MTUS2: variants seen among roughly 807,000 people sequenced by gnomAD.
MTUS2 encodes the protein microtubule associated scaffold protein 2, also known as microtubule-associated tumor suppressor candidate 2.
Under a neutral mutation model 114.1 loss-of-function variants are expected in MTUS2, and 40 were observed. The observed-to-expected ratio is 0.35, with a 90% CI of 0.27 to 0.46. The LOEUF (loss-of-function observed/expected upper bound fraction) is 0.46. Ranked by LOEUF, MTUS2 falls within the 20% of genes least tolerant of loss-of-function variation. The pLI is 1.00. For synonymous variants in MTUS2, 688 were observed against 672.0 expected, an observed-to-expected ratio of 1.02 and a Z score of -0.37; for missense variants, 1,679 against 1,705.4, an observed-to-expected ratio of 0.98 and a Z score of 0.27.
rs905290904 is a variant in MTUS2, at chr13:29,032,183, G to A, written c.2206-1702G>A. On this transcript the variant is annotated intron_variant, in intron 3 of 15. Coordinates refer to ENST00000612955, the MANE Select transcript of MTUS2 (RefSeq NM_001033602.4). ...AATGCACAGACTAGACATCAAAGGC[G>A]CAGTTTTCCCCCTTTTAAAGAATTT... 6.6e-5 allele frequency among the ~76,000 whole-genome samples: 10 copies of A among 152,064 alleles called. No individual in the cohort carries two copies. The East Asian group carries it at 1.4e-3, about 21-fold the overall frequency.
intron 5 of MTUS2, among the ~76,000 whole-genome samples, chr13:29,135,210 A>G (rs1431145286): frequency 6.6e-6 from 1 of 152,204 alleles, no homozygotes; most frequent in East Asian, 1.9e-4. Flanking sequence ...ATCACGTTGC[A>G]AAAACAGTGG....
At chr13:29,324,847 A>T (rs1476400797) in intron 7 of MTUS2, 136 bp downstream of exon 7, 1 of 657,636 alleles carries the variant, frequency 1.5e-6, no homozygotes, top group Non-Finnish European at 2.6e-6. Context: ...ACATATGCTG[A>T]TGTTTTCTGA....
intron 5 of MTUS2, among the ~76,000 whole-genome samples, chr13:29,166,934 A>G (rs529094338): frequency 9.8e-5 from 15 of 152,328 alleles, no homozygotes; most frequent in Non-Finnish European, 1.9e-4. Context: ...AGTTTTTCCA[A>G]TAATGTAGTA....
chr13:29,212,112 C>T (rs1316754799), intron 5 of MTUS2, among the ~76,000 whole-genome samples: 1 of 152,086 alleles, frequency 6.6e-6, no homozygotes, highest in Non-Finnish European at 1.5e-5. Context: ...GTTGTAGTTA[C>T]AGTCCACAAA....
chr13:29,400,062 A>G (rs187477063), intron 8 of MTUS2, among the ~76,000 whole-genome samples: 2 of 152,246 alleles, frequency 1.3e-5, no homozygotes, highest in Admixed American at 1.3e-4. Flanking sequence ...ACCAACAACA[A>G]TGGAAGGGAG....
intron 8 of MTUS2, among the ~76,000 whole-genome samples, chr13:29,409,093 G>A (rs1358196806): frequency 6.6e-6 from 1 of 152,224 alleles, no homozygotes; most frequent in Non-Finnish European, 1.5e-5. Context: ...GCCGAGGCGG[G>A]TGGATCACCT....
At chr13:29,130,467 C>A (rs1237926886) in intron 5 of MTUS2, among the ~76,000 whole-genome samples, 1 of 152,148 alleles carries the variant, frequency 6.6e-6, no homozygotes, top group Non-Finnish European at 1.5e-5. Context: ...CCCAATCTCA[C>A]CTTCCCAGTG....
chr13:29,054,179 C>CT (rs1213430460), intron 4 of MTUS2, among the ~76,000 whole-genome samples: 4 of 151,966 alleles, frequency 2.6e-5, no homozygotes, highest in Admixed American at 6.5e-5. Flanking sequence ...TGTTGAACAG[C>CT]TTTTTTTGTG....
chr13:29,129,180 C>T (rs955284576), intron 5 of MTUS2, among the ~76,000 whole-genome samples: 14 of 137,212 alleles, frequency 1.0e-4, no homozygotes, highest in African/African-American at 3.2e-4. Context: ...ACTGTTTTCC[C>T]CTGGCAGTCT....
At chr13:29,369,662 A>G (rs1448348462) in intron 8 of MTUS2, among the ~76,000 whole-genome samples, 1 of 152,236 alleles carries the variant, frequency 6.6e-6, no homozygotes. Context: ...TATACCTGTG[A>G]TCCAGTCCCT....
intron 7 of MTUS2, among the ~76,000 whole-genome samples, chr13:29,337,143 G>C (rs917113605): frequency 6.6e-6 from 1 of 152,036 alleles, no homozygotes; most frequent in Non-Finnish European, 1.5e-5. Flanking sequence ...CCTTTCCAGG[G>C]GGGTGAACAG....
intron 5 of MTUS2, among the ~76,000 whole-genome samples, chr13:29,113,195 A>G (rs1381817010): frequency 6.6e-6 from 1 of 152,056 alleles, no homozygotes; most frequent in East Asian, 1.9e-4. Flanking sequence ...GATACATACA[A>G]CTCTATGGAA....
chr13:28,849,552 A>C (rs1876111381), intron 2 of MTUS2, among the ~76,000 whole-genome samples: 1 of 152,200 alleles, frequency 6.6e-6, no homozygotes, highest in African/African-American at 2.4e-5. Context: ...ACTGAGCTTC[A>C]CAGCAGCACT....
At chr13:29,470,405 C>T (rs1249498532) in intron 9 of MTUS2, among the ~76,000 whole-genome samples, 1 of 152,164 alleles carries the variant, frequency 6.6e-6, no homozygotes, top group Non-Finnish European at 1.5e-5. Flanking sequence ...GTCTGTCCTG[C>T]ACCTCCCTCA....
intron 2 of MTUS2, among the ~76,000 whole-genome samples, chr13:29,009,963 G>A (rs1402378569): frequency 1.3e-5 from 2 of 152,096 alleles, no homozygotes; most frequent in Non-Finnish European, 2.9e-5. Flanking sequence ...TGTAATCCCA[G>A]CACTTTGGGA....
intron 2 of MTUS2, among the ~76,000 whole-genome samples, chr13:28,873,572 C>T (rs1877751688): frequency 6.6e-6 from 1 of 152,196 alleles, no homozygotes; most frequent in Non-Finnish European, 1.5e-5. Context: ...TTTATCCTGT[C>T]AGTGTCTTGT....
At chr13:29,482,563 G>C (rs1257318608) in intron 10 of MTUS2, among the ~76,000 whole-genome samples, 1 of 152,206 alleles carries the variant, frequency 6.6e-6, no homozygotes, top group African/African-American at 2.4e-5. Flanking sequence ...TCTATGGAAT[G>C]TGCATTGTAT....
intron 5 of MTUS2, among the ~76,000 whole-genome samples, chr13:29,256,499 A>G (rs911812611): frequency 6.6e-6 from 1 of 152,230 alleles, no homozygotes; most frequent in Non-Finnish European, 1.5e-5. Context: ...AGCACCACGG[A>G]GGGACAAGGG....
chr13:29,129,649 T>TC (rs1274884836), intron 5 of MTUS2, among the ~76,000 whole-genome samples: 1 of 152,178 alleles, frequency 6.6e-6, no homozygotes. Context: ...ATAGGAGGAA[T>TC]CAGTTCTAAA....
Sources: allele counts gnomAD v4.1 joint callset (sites outside exome capture counted in the v4.1 genomes callset), GRCh38; gene constraint gnomAD v4.1.1; transcripts MANE v1.5; gene names NCBI Gene and HGNC (gene_info 2026-07-23, HGNC 2026-07-21).